Variants in LCLAT1 observed in about 807,000 individuals in gnomAD.
The protein encoded by LCLAT1 is 1-AGP acyltransferase 8.
In LCLAT1, 11 loss-of-function variants were observed where a neutral mutation model predicts 30.7. The observed-to-expected ratio is 0.36, with a 90% CI of 0.23 to 0.59. The LOEUF (loss-of-function observed/expected upper bound fraction) is 0.59. LCLAT1 is among the 20% of genes least tolerant of loss of function. LCLAT1 has a pLI of 0.77. For missense variants in LCLAT1, 402 were observed against 458.6 expected, an observed-to-expected ratio of 0.88 and a Z score of 1.13; for synonymous variants, 155 against 151.3, an observed-to-expected ratio of 1.02 and a Z score of -0.18.
At chr2:30,590,518 T>TA (rs1666642515) in intron 5 of LCLAT1, among the ~76,000 whole-genome samples, 2 of 147,130 alleles carry the variant, frequency 1.4e-5, no homozygotes, top group African/African-American at 4.9e-5. Context: ...TGGACATATT[T>TA]TATATATATA....
chr2:30,595,883 G>A (rs1353174258), intron 5 of LCLAT1, among the ~76,000 whole-genome samples: 2 of 152,088 alleles, frequency 1.3e-5, no homozygotes, highest in Non-Finnish European at 2.9e-5. Flanking sequence ...ACTTACAAGT[G>A]AGAACATGTA....
At chr2:30,577,471 G>A (rs759403536) in intron 5 of LCLAT1, among the ~76,000 whole-genome samples, 4 of 152,048 alleles carry the variant, frequency 2.6e-5, no homozygotes, top group Non-Finnish European at 5.9e-5. Context: ...AAGTGCATAT[G>A]TACACAAAAT....
chr2:30,568,165 G>T lies in LCLAT1; in HGVS notation c.617G>T (p.Arg206Leu), dbSNP rs139333259. The T allele has an allele frequency of 4.4e-6, 7 of 1,576,374 alleles. No homozygotes were observed. The highest frequency in any genetic ancestry group is 6.1e-6 in the Non-Finnish European group (7 of 1,155,594). Residue 206 changes from arginine to leucine, a missense_variant, in exon 5 of 6, where the codon CGT becomes CTT. By Grantham distance (102) the Arg-to-Leu change is moderately radical. Transcript: ENST00000379509. The stretch of plus-strand genomic sequence containing the variant: ...ACAGGCTTTACTTTTGTGGTAGACC[G>T]TCTAAGAGAAGGTAAGCACCCATTT... ...RTTGFTFVVD[R>L]LREGKNLDAV...
rs1669411410 is a variant in LCLAT1 at position 30,643,218 on chromosome 2, G to A, written c.*2599G>A. On this transcript the variant is annotated 3_prime_UTR_variant, in exon 6 of 6. Transcript: ENST00000379509. ...CAGTTCTTTCATGGTAAGCTCAATG[G>A]ACTTTGAATTGTTTACAGTGCTGTA... 1 of 52,836 alleles carries A rather than the reference G, an allele frequency of 1.9e-5. No individual in the cohort carries two copies. 3.3% of individuals were successfully genotyped at this position (52,836 alleles called of 1,614,324 possible).
At chr2:30,607,745 C>T (rs185911358) in intron 5 of LCLAT1, 1 of 152,094 alleles carries the variant, frequency 6.6e-6, no homozygotes, top group Admixed American at 6.6e-5. Flanking sequence ...TAGGACATGA[C>T]AGCTCCATGC....
At chr2:30,543,579 C>T (rs558797253) in intron 3 of LCLAT1, among the ~76,000 whole-genome samples, 7 of 151,996 alleles carry the variant, frequency 4.6e-5, no homozygotes, top group African/African-American at 1.7e-4. Flanking sequence ...TAGTGGGTGT[C>T]TTTTTAATTA....
At chr2:30,636,065 G>T (rs370246274) in intron 5 of LCLAT1, among the ~76,000 whole-genome samples, 64 of 152,234 alleles carry the variant, frequency 4.2e-4, no homozygotes, top group African/African-American at 1.5e-3. Flanking sequence ...AGGGGGCAAG[G>T]CCACTTTGGG....
intron 5 of LCLAT1, among the ~76,000 whole-genome samples, chr2:30,635,250 A>ATG (rs1016086144): frequency 1.3e-4 from 19 of 150,150 alleles, no homozygotes; most frequent in Non-Finnish European, 2.4e-4. Flanking sequence ...ACACAAATAT[A>ATG]TATATATATA....
rs549848052 is a variant in LCLAT1 at position 30,537,792 on chromosome 2, A to G, written c.364+4478A>G. On this transcript the variant is annotated intron_variant, in intron 3 of 5. Transcript: ENST00000379509. ...CACAGAATATACATTATTTTCATCA[A>G]TTCGTGGAACATTCTCCAGGACAGA... Among the ~76,000 whole-genome samples the G allele has an allele frequency of 1.2e-4, 19 of 152,370 alleles. No homozygotes were observed. The South Asian group carries it at 3.7e-3, about 30-fold the overall frequency.
intron 3 of LCLAT1, among the ~76,000 whole-genome samples, chr2:30,539,027 T>C (rs1176819617): frequency 2.0e-5 from 3 of 151,508 alleles, no homozygotes; most frequent in African/African-American, 4.8e-5. Context: ...TGGTGTGATA[T>C]TGGCTCACTC....
chr2:30,572,758 ACT>A (rs1311007486), intron 5 of LCLAT1, among the ~76,000 whole-genome samples: 2 of 150,940 alleles, frequency 1.3e-5, no homozygotes, highest in African/African-American at 4.9e-5. Context: ...CCTTGGCTCT[ACT>A]GTGAGTTCTG....
chr2:30,514,882 A>G lies in LCLAT1; in HGVS notation c.-4-10705A>G, dbSNP rs564133101. Among the ~76,000 whole-genome samples, 91 of 152,320 alleles carry G rather than the reference A, an allele frequency of 6.0e-4. 1 individual carries two copies. Among genetic ancestry groups the G allele is most frequent in the Non-Finnish European group, 1.1e-3 (74 of 68,032 alleles). On this transcript the variant is annotated intron_variant, in intron 1 of 5. Transcript: ENST00000379509. ...TACATTTCACTTTTGAAACGTTTAT[A>G]TACATTTCACTTTTAACATTTATCC...
intron 1 of LCLAT1, among the ~76,000 whole-genome samples, chr2:30,463,091 C>CCT (rs550242345): frequency 1.2e-3 from 178 of 151,898 alleles, no homozygotes; most frequent in Middle Eastern, 3.4e-3. Flanking sequence ...ATAGCAAGAT[C>CCT]CTCTCTCTTA....
At chr2:30,608,729 G>C (rs148257928) in intron 5 of LCLAT1, among the ~76,000 whole-genome samples, 163 of 152,204 alleles carry the variant, frequency 1.1e-3, no homozygotes, top group African/African-American at 3.8e-3. Flanking sequence ...ATACTGTCTA[G>C]GTTTGTGTGA....
chr2:30,514,885 C>T (rs1364510467), intron 1 of LCLAT1, among the ~76,000 whole-genome samples: 1 of 152,148 alleles, frequency 6.6e-6, no homozygotes, highest in East Asian at 1.9e-4. Flanking sequence ...CGTTTATATA[C>T]ATTTCACTTT....
At chr2:30,545,521 C>T (rs1013450451) in intron 3 of LCLAT1, among the ~76,000 whole-genome samples, 3 of 151,884 alleles carry the variant, frequency 2.0e-5, no homozygotes, top group African/African-American at 7.3e-5. Context: ...AAGCAATAGA[C>T]CTATGTAACA....
chr2:30,516,819 T>C (rs1685207520), intron 1 of LCLAT1, among the ~76,000 whole-genome samples: 1 of 152,206 alleles, frequency 6.6e-6, no homozygotes, highest in South Asian at 2.1e-4. Context: ...TGGGCAGCTG[T>C]TGACCATTTA....
chr2:30,589,545 A>G (rs1311233100), intron 5 of LCLAT1, among the ~76,000 whole-genome samples: 1 of 151,964 alleles, frequency 6.6e-6, no homozygotes, highest in Middle Eastern at 3.2e-3. Flanking sequence ...TGTAAATTAG[A>G]CATACAACAG....
Position 30,629,779 on chromosome 2 carries a change from A to C in LCLAT1, c.629-10338A>C, listed in dbSNP as rs146557707. On this transcript the variant is annotated intron_variant, in intron 5 of 5. Transcript: ENST00000379509. ...ATCTATTTAAACGTGATTTTTGTGG[A>C]AAAAACTTAGAAATATGAAAACTTT... Among the ~76,000 whole-genome samples, 1,472 of 152,254 alleles carry C rather than the reference A, an allele frequency of 9.7e-3. 27 individuals are homozygous for C. Among genetic ancestry groups the C allele is most frequent in the African/African-American group, 0.034 (1,397 of 41,530 alleles).
Sources: allele counts gnomAD v4.1 joint callset (sites outside exome capture counted in the v4.1 genomes callset), GRCh38; gene constraint gnomAD v4.1.1; transcripts MANE v1.5; gene names NCBI Gene and HGNC (gene_info 2026-07-23, HGNC 2026-07-21).